The following SLK variants were observed in gnomAD, a reference collection of about 807,000 sequenced individuals.
SLK encodes the protein STE20-like serine/threonine-protein kinase.
Under a neutral mutation model 147.7 loss-of-function variants are expected in SLK, and 67 were observed. That is an observed-to-expected ratio of 0.45 (90% CI 0.37 to 0.56). The LOEUF (loss-of-function observed/expected upper bound fraction) is 0.56, where lower values mean the gene tolerates loss of function less well. Ranked by LOEUF, SLK falls within the 20% of genes least tolerant of loss-of-function variation. The probability of loss-of-function intolerance (pLI) is 0.00; values close to 1 mark genes in which losing one functional copy is unlikely to be tolerated. For missense variants in SLK, 1,136 were observed against 1,438.8 expected, an observed-to-expected ratio of 0.79 and a Z score of 3.41; for synonymous variants, 441 against 475.0, an observed-to-expected ratio of 0.93 and a Z score of 0.93.
intron 1 of SLK, among the ~76,000 whole-genome samples, chr10:103,986,692 T>TCC (rs34635659): frequency 5.8e-4 from 72 of 125,122 alleles, no homozygotes; most frequent in Non-Finnish European, 8.6e-4. Context: ...TTTTTTTTTT[T>TCC]CCCTGAGACA....
intron 6 of SLK, 143 bp downstream of exon 6, chr10:103,999,456 G>T: frequency 4.7e-6 from 3 of 638,424 alleles, no homozygotes; most frequent in African/African-American, 1.8e-5. Context: ...AGTGATTTTT[G>T]GTATATTTCT....
intron 1 of SLK, among the ~76,000 whole-genome samples, chr10:103,980,846 G>A (rs1462439298): frequency 6.6e-6 from 1 of 152,126 alleles, no homozygotes; most frequent in Non-Finnish European, 1.5e-5. Context: ...ATATACCCAG[G>A]AGTGGGATTC....
chr10:103,989,474 T>G (rs1844061562), intron 1 of SLK, among the ~76,000 whole-genome samples: 1 of 142,116 alleles, frequency 7.0e-6, no homozygotes, highest in Admixed American at 7.0e-5. Flanking sequence ...CTTTTTTTTT[T>G]TTTTTTTTTT....
intron 1 of SLK, among the ~76,000 whole-genome samples, chr10:103,979,589 C>A (rs1016740511): frequency 3.9e-5 from 6 of 152,028 alleles, no homozygotes; most frequent in Non-Finnish European, 8.8e-5. Context: ...GGTCTGTGCC[C>A]TGATGGATGT....
chr10:104,021,783 A>T (rs1217845737), intron 18 of SLK, 50 bp downstream of exon 18: 1 of 966,918 alleles, frequency 1.0e-6, no homozygotes, highest in Non-Finnish European at 1.6e-6. Context: ...TCGTCCGTCT[A>T]CCCAGCTATT....
At chr10:104,019,070 G>C (rs1844501136) in intron 15 of SLK, 162 bp downstream of exon 15, 1 of 596,690 alleles carries the variant, frequency 1.7e-6, no homozygotes, top group South Asian at 2.6e-5. Flanking sequence ...ATTGTATCTT[G>C]ATCATGATTG....
At chr10:103,987,588 CT>C (rs1469954916) in intron 1 of SLK, among the ~76,000 whole-genome samples, 5 of 152,050 alleles carry the variant, frequency 3.3e-5, no homozygotes, top group Non-Finnish European at 5.9e-5. Context: ...CATTTATTAA[CT>C]TTAAAAAATT....
At chr10:103,990,865 G>A (rs1844084054) in intron 2 of SLK, 26 bp downstream of exon 2, 1 of 1,412,960 alleles carries the variant, frequency 7.1e-7, no homozygotes, top group Non-Finnish European at 9.3e-7. Flanking sequence ...TGATCTAAAG[G>A]AGTAGCCAAA....
At chr10:103,998,194 C>G (rs1844200268) in intron 4 of SLK, among the ~76,000 whole-genome samples, 1 of 152,166 alleles carries the variant, frequency 6.6e-6, no homozygotes, top group South Asian at 2.1e-4. Context: ...TGAGTGTATA[C>G]TCTGTGGTAG....
At chr10:103,976,207 A>G (rs1372556397) in intron 1 of SLK, among the ~76,000 whole-genome samples, 1 of 152,140 alleles carries the variant, frequency 6.6e-6, no homozygotes, top group Non-Finnish European at 1.5e-5. Context: ...CCAGCCTTAA[A>G]TTTTTTAAAT....
chr10:103,993,954 A>T (rs1331243450), intron 4 of SLK, among the ~76,000 whole-genome samples: 1 of 151,868 alleles, frequency 6.6e-6, no homozygotes. Flanking sequence ...GAGTGCAGTG[A>T]TGTGATCATA....
intron 17 of SLK, among the ~76,000 whole-genome samples, chr10:104,020,900 A>G (rs930370912): frequency 3.3e-5 from 5 of 152,216 alleles, no homozygotes; most frequent in Non-Finnish European, 5.9e-5. Flanking sequence ...ATTTTGCAAG[A>G]AGATGTGGAG....
intron 11 of SLK, among the ~76,000 whole-genome samples, chr10:104,007,033 T>C (rs1030073966): frequency 3.9e-5 from 6 of 152,142 alleles, no homozygotes; most frequent in Admixed American, 3.3e-4. Flanking sequence ...CAAGAGTAGA[T>C]TTATAATTCC....
Position 103,999,851 on chromosome 10 carries a change from A to T in SLK, c.783-16A>T. On this transcript the variant is annotated splice_polypyrimidine_tract_variant and intron_variant, in intron 6 of 18. Coordinates refer to ENST00000369755, the MANE Select transcript of SLK (RefSeq NM_014720.4). ...CAAGAAAGTAAAATAGAATGTTGTT[A>T]AAATTTATTTTAAAGGTCTTCAAAT... 9.1e-7 allele frequency: 1 copy of T among 1,095,122 alleles called. No individual in the cohort carries two copies. Among genetic ancestry groups the T allele is most frequent in the Non-Finnish European group, 1.4e-6 (1 of 733,858 alleles). 67.8% of individuals were successfully genotyped at this position (1,095,122 alleles called of 1,614,324 possible).
In SLK at chr10:104,016,131, C is replaced by A. The variant is rs190446818; in HGVS notation, c.2878-2029C>A. On this transcript the variant is annotated intron_variant, in intron 13 of 18. Transcript: ENST00000369755. ...CAGGAGATCAAGACCATCCTGGCTA[C>A]CACGGTGAAACCCCGTCTCTACTAG... Among the ~76,000 whole-genome samples, 245 of 152,034 alleles carry A rather than the reference C, an allele frequency of 1.6e-3. 1 individual carries two copies. The highest frequency in any genetic ancestry group is 3.4e-3 in the Middle Eastern group (1 of 294).
intron 13 of SLK, among the ~76,000 whole-genome samples, chr10:104,016,181 T>C (rs184170906): frequency 1.1e-3 from 171 of 151,720 alleles, no homozygotes; most frequent in African/African-American, 3.9e-3. Context: ...TAGCTGGGCG[T>C]GGTGGTGGGC....
At chr10:103,968,394 T>C (rs1299451797) in intron 1 of SLK, among the ~76,000 whole-genome samples, 1 of 152,222 alleles carries the variant, frequency 6.6e-6, no homozygotes, top group Non-Finnish European at 1.5e-5. Flanking sequence ...CTTGAGTTAG[T>C]TGCTTGACAG....
In SLK at chr10:104,021,604, C is replaced by T. The variant is rs370654476; in HGVS notation, c.3448-16C>T. ...AGTTGATCTGAAATTTTTTTAAATC[C>T]CAACTTTATTTTCAGAATGAAAAAT... On this transcript the variant is annotated splice_polypyrimidine_tract_variant and intron_variant, in intron 17 of 18. Transcript: ENST00000369755. The T allele has an allele frequency of 4.0e-6, 6 of 1,502,630 alleles. No individual in the cohort carries two copies. Among genetic ancestry groups the T allele is most frequent in the African/African-American group, 1.4e-5 (1 of 70,824 alleles). 93.1% of individuals were successfully genotyped at this position (1,502,630 alleles called of 1,614,324 possible).
At chr10:103,973,310 C>T (rs1389067142) in intron 1 of SLK, among the ~76,000 whole-genome samples, 1 of 152,220 alleles carries the variant, frequency 6.6e-6, no homozygotes, top group East Asian at 1.9e-4. Context: ...CACTGCTCTG[C>T]AGTGCCCTGT....
Sources: gnomAD v4.1 joint callset for allele counts (sites outside exome capture counted in the v4.1 genomes callset) on GRCh38, gnomAD v4.1.1 for gene constraint, MANE v1.5 for transcripts, NCBI Gene and HGNC (gene_info 2026-07-23, HGNC 2026-07-21) for gene names.